NAP1L1: variants seen among roughly 807,000 people sequenced by gnomAD.
The protein encoded by NAP1L1 is nucleosome assembly protein 1 like 1.
NAP1L1 carries 9 observed loss-of-function variants against 58.9 expected under a neutral mutation model. That is an observed-to-expected ratio of 0.15 (90% CI 0.09 to 0.27). NAP1L1 has a LOEUF of 0.27. Ranked by LOEUF, NAP1L1 falls within the 10% of genes least tolerant of loss-of-function variation. The pLI, the probability that NAP1L1 is intolerant of heterozygous loss-of-function variation, is 1.00. For missense variants in NAP1L1, 302 were observed against 458.8 expected, an observed-to-expected ratio of 0.66 and a Z score of 3.12; for synonymous variants, 130 against 138.3, an observed-to-expected ratio of 0.94 and a Z score of 0.42.
intron 11 of NAP1L1, among the ~76,000 whole-genome samples, chr12:76,051,761 T>C (rs1224347547): frequency 6.6e-6 from 1 of 152,174 alleles, no homozygotes; most frequent in Non-Finnish European, 1.5e-5. Flanking sequence ...ATGCCTGTAA[T>C]CCCAGGACTT....
chr12:76,053,142 TAAG>T (rs980878461), intron 10 of NAP1L1, 32 bp from the exon 11 acceptor site: 1 of 1,612,538 alleles, frequency 6.2e-7, no homozygotes, highest in African/African-American at 1.3e-5. Flanking sequence ...TTACAATGAA[TAAG>T]AAGCTAAGCA....
chr12:76,048,311 T>G lies in NAP1L1; in HGVS notation c.*118A>C, dbSNP rs149488698. On this transcript the variant is annotated 3_prime_UTR_variant, in exon 15 of 15. Coordinates refer to ENST00000618691, the MANE Select transcript of NAP1L1 (RefSeq NM_004537.7). ...CTTTAAAATATCAGTTTCCTGTCCTTTAAAAAAAAATTACCTAGTCTACCA... is the reference window on the plus strand; with the variant it reads ...CTTTAAAATATCAGTTTCCTGTCCTGTAAAAAAAAATTACCTAGTCTACCA... The G allele has an allele frequency of 1.5e-5, 18 of 1,193,252 alleles. No individual in the cohort carries two copies. The highest frequency in any genetic ancestry group is 2.2e-5 in the Admixed American group (1 of 44,948). 73.9% of individuals were successfully genotyped at this position (1,193,252 alleles called of 1,614,324 possible). A position where few individuals can be genotyped will look rare whatever the true frequency, so the allele number is the denominator to read the frequency against.
chr12:76,064,553 A>G (rs190721900), intron 4 of NAP1L1, among the ~76,000 whole-genome samples: 29 of 152,304 alleles, frequency 1.9e-4, no homozygotes, highest in Admixed American at 6.5e-5. Flanking sequence ...TAAAAAAGAG[A>G]TAACAGCAGC....
intron 2 of NAP1L1, among the ~76,000 whole-genome samples, chr12:76,071,564 A>G (rs1040854455): frequency 6.6e-6 from 1 of 152,222 alleles, no homozygotes; most frequent in Non-Finnish European, 1.5e-5. Context: ...TGATAATTTC[A>G]TTGAGAGAAC....
intron 1 of NAP1L1, among the ~76,000 whole-genome samples, chr12:76,078,958 A>T (rs145782330): frequency 6.6e-6 from 1 of 152,076 alleles, no homozygotes; most frequent in East Asian, 1.9e-4. Flanking sequence ...AGCCCTACAA[A>T]TCAAAACCAT....
At position 76,056,024 on chromosome 12, in the gene NAP1L1, T is replaced by A; in HGVS notation, c.558+9A>T. 1 of 1,610,166 alleles carries A rather than the reference T, an allele frequency of 6.2e-7. No homozygotes were observed. The highest frequency in any genetic ancestry group is 1.1e-5 in the South Asian group (1 of 90,568). On this transcript the variant is annotated intron_variant, in intron 7 of 14. Coordinates refer to ENST00000618691, the MANE Select transcript of NAP1L1 (RefSeq NM_004537.7). ...CAAAGTAAACTGGTACATTTATGAA[T>A]AAAATTACCTGAACCATATCACTGA...
At chr12:76,079,537 T>C (rs890992772) in intron 1 of NAP1L1, among the ~76,000 whole-genome samples, 1 of 152,132 alleles carries the variant, frequency 6.6e-6, no homozygotes, top group Non-Finnish European at 1.5e-5. Flanking sequence ...TAATCAGAGT[T>C]GGTATCACGT....
intron 1 of NAP1L1, among the ~76,000 whole-genome samples, chr12:76,083,463 CTT>C (rs34622188): frequency 2.3e-5 from 2 of 86,706 alleles, no homozygotes; most frequent in African/African-American, 9.9e-5. Flanking sequence ...AGCTGATGAG[CTT>C]TTTTTTCCAA....
intron 8 of NAP1L1, among the ~76,000 whole-genome samples, chr12:76,054,748 C>G (rs1321950646): frequency 6.6e-6 from 1 of 152,150 alleles, no homozygotes; most frequent in African/African-American, 2.4e-5. Context: ...CAAGCTCATG[C>G]CTTTTAATGC....
At chr12:76,049,100 T>C in intron 14 of NAP1L1, 100 bp downstream of exon 14, 1 of 1,206,688 alleles carries the variant, frequency 8.3e-7, no homozygotes. Context: ...TAGGCTTTAT[T>C]TATTAAAGAC....
rs1325176244 is a variant in NAP1L1 at position 76,040,947 on chromosome 12, A to G, written c.*7482T>C. 2 of 152,256 alleles carry G rather than the reference A, an allele frequency of 1.3e-5. No individual in the cohort carries two copies. Among genetic ancestry groups the G allele is most frequent in the Non-Finnish European group, 2.9e-5 (2 of 68,052 alleles). 9.4% of individuals were successfully genotyped at this position (152,256 alleles called of 1,614,324 possible). A position where few individuals can be genotyped will look rare whatever the true frequency, so the allele number is the denominator to read the frequency against. ...ACATAACATACAAAGTGTGTGTTAA[A>G]TGACTTATTGGTAAAGTTTCCACAG... On this transcript the variant is annotated 3_prime_UTR_variant, in exon 15 of 15. Coordinates refer to ENST00000618691, the MANE Select transcript of NAP1L1 (RefSeq NM_004537.7).
Position 76,040,963 on chromosome 12 carries a change from G to A in NAP1L1, c.*7466C>T, listed in dbSNP as rs559193147. 1 of 152,330 alleles carries A rather than the reference G, an allele frequency of 6.6e-6. No individual in the cohort carries two copies. The highest frequency in any genetic ancestry group is 2.4e-5 in the African/African-American group (1 of 41,574). The allele number at this position is 152,330 out of a possible 1,614,324, so 9.4% of individuals were successfully genotyped here. A position where few individuals can be genotyped will look rare whatever the true frequency, so the allele number is the denominator to read the frequency against. On this transcript the variant is annotated 3_prime_UTR_variant, in exon 15 of 15. Coordinates refer to ENST00000618691, the MANE Select transcript of NAP1L1 (RefSeq NM_004537.7). ...GTGTGTTAAATGACTTATTGGTAAA[G>A]TTTCCACAGTAGGCTGTCAAGTTTT...
intron 1 of NAP1L1, among the ~76,000 whole-genome samples, chr12:76,082,121 TTCTC>T (rs757916065): frequency 1.3e-5 from 2 of 152,216 alleles, no homozygotes; most frequent in Non-Finnish European, 2.9e-5. Context: ...TGATGAGTCA[TTCTC>T]TCTAATCCTT....
chr12:76,053,679 G>T, intron 9 of NAP1L1, 91 bp downstream of exon 9: 1 of 1,420,940 alleles, frequency 7.0e-7, no homozygotes, highest in Non-Finnish European at 9.6e-7. Context: ...GACAGACTAT[G>T]TACATATGTA....
At chr12:76,058,180 G>A (rs1173309933) in intron 6 of NAP1L1, 3 of 537,088 alleles carry the variant, frequency 5.6e-6, no homozygotes, top group Non-Finnish European at 1.0e-5. Context: ...TATGGCCAAA[G>A]GGAGAGAGGC....
chr12:76,083,777 G>A (rs1017521126), intron 1 of NAP1L1: 3 of 152,236 alleles, frequency 2.0e-5, no homozygotes, highest in Admixed American at 6.5e-5. Context: ...AAAAGATTAA[G>A]ACCAAAGAGA....
intron 4 of NAP1L1, among the ~76,000 whole-genome samples, 177 bp downstream of exon 4, chr12:76,067,194 G>T (rs1241829068): frequency 2.0e-5 from 3 of 151,946 alleles, no homozygotes; most frequent in Admixed American, 2.0e-4. Flanking sequence ...AACTTTAAAA[G>T]ACCAATGCAA....
chr12:76,080,512 G>A (rs984349340), intron 1 of NAP1L1, among the ~76,000 whole-genome samples: 33 of 152,158 alleles, frequency 2.2e-4, no homozygotes, highest in African/African-American at 7.2e-4. Flanking sequence ...GTACTAGGCC[G>A]TACCATCTAG....
At chr12:76,074,348 T>C (rs1950095592) in intron 1 of NAP1L1, 109 bp from the exon 2 acceptor site, 1 of 1,352,680 alleles carries the variant, frequency 7.4e-7, no homozygotes, top group Non-Finnish European at 9.5e-7. Flanking sequence ...TCCCAAGAAA[T>C]GTCTATTTCC....
Sources: allele counts gnomAD v4.1 joint callset (sites outside exome capture counted in the v4.1 genomes callset), GRCh38; gene constraint gnomAD v4.1.1; transcripts MANE v1.5; gene names NCBI Gene and HGNC (gene_info 2026-07-23, HGNC 2026-07-21).